The following CTNNA3 variants were observed in gnomAD, a reference collection of about 807,000 sequenced individuals.
The protein encoded by CTNNA3 is catenin alpha-3.
In CTNNA3, 76 loss-of-function variants were observed where a neutral mutation model predicts 95.7. The observed-to-expected ratio is 0.79, with a 90% CI of 0.66 to 0.96. CTNNA3 has a LOEUF of 0.96. CTNNA3 is among the 40% of genes least tolerant of loss of function. The pLI, the probability that CTNNA3 is intolerant of heterozygous loss-of-function variation, is 0.00. For missense variants in CTNNA3, 1,191 were observed against 1,089.8 expected, an observed-to-expected ratio of 1.09 and a Z score of -1.31; for synonymous variants, 431 against 374.4, an observed-to-expected ratio of 1.15 and a Z score of -1.74.
intron 13 of CTNNA3, among the ~76,000 whole-genome samples, chr10:66,135,201 A>T (rs1022474153): frequency 6.6e-6 from 1 of 152,188 alleles, no homozygotes; most frequent in Non-Finnish European, 1.5e-5. Flanking sequence ...CATAACACCG[A>T]GGTTTTGATG....
intron 5 of CTNNA3, among the ~76,000 whole-genome samples, chr10:67,417,921 AT>A (rs1029635223): frequency 1.3e-4 from 20 of 152,306 alleles, no homozygotes; most frequent in Admixed American, 3.9e-4. Context: ...TCATAGCAAC[AT>A]TTTTCATAAG....
chr10:66,246,918 T>G (rs1435731567), intron 13 of CTNNA3, among the ~76,000 whole-genome samples: 9 of 151,732 alleles, frequency 5.9e-5, no homozygotes, highest in Admixed American at 2.0e-4. Context: ...CCAGATGTAG[T>G]GGTGGGTGCC....
At chr10:66,367,607 T>C (rs556262054) in intron 12 of CTNNA3, among the ~76,000 whole-genome samples, 2 of 149,698 alleles carry the variant, frequency 1.3e-5, no homozygotes, top group African/African-American at 2.4e-5. Flanking sequence ...TCTGGTTTCT[T>C]AACAATGACA....
rs549112813 is a variant in CTNNA3, at chr10:66,195,832, T to C, written c.1884+84638A>G. Among the ~76,000 whole-genome samples the C allele has an allele frequency of 6.2e-4, 95 of 152,128 alleles. 1 individual carries two copies. The highest frequency in any genetic ancestry group is 6.8e-3 in the Middle Eastern group (2 of 294). ...ACATATATACAGAATGTTAACAGAT[T>C]CTGAAAAAGCAACATCCTGCTGGGT... On this transcript the variant is annotated intron_variant, in intron 13 of 17. Transcript: ENST00000433211.
chr10:67,220,916 C>G (rs1864622895), intron 5 of CTNNA3, among the ~76,000 whole-genome samples: 1 of 152,094 alleles, frequency 6.6e-6, no homozygotes, highest in South Asian at 2.1e-4. Context: ...TAATTCCAGT[C>G]TAATCATGAG....
intron 13 of CTNNA3, among the ~76,000 whole-genome samples, chr10:66,236,507 G>C (rs779439308): frequency 3.9e-5 from 6 of 152,114 alleles, no homozygotes; most frequent in Non-Finnish European, 5.9e-5. Context: ...TAGAGGGAAT[G>C]TCACCTGTCA....
intron 13 of CTNNA3, among the ~76,000 whole-genome samples, chr10:66,108,611 C>CT (rs1328027326): frequency 2.0e-5 from 3 of 151,196 alleles, no homozygotes; most frequent in Admixed American, 6.6e-5. Flanking sequence ...CATTTTTTTC[C>CT]TTTTTTTGGC....
At chr10:67,732,474 C>T (rs1016027662) in intron 1 of CTNNA3, among the ~76,000 whole-genome samples, 1 of 152,156 alleles carries the variant, frequency 6.6e-6, no homozygotes, top group African/African-American at 2.4e-5. Context: ...TAATTTCACC[C>T]AAGTTGAGAA....
At chr10:67,668,988 G>A (rs1040480962) in intron 1 of CTNNA3, among the ~76,000 whole-genome samples, 2 of 151,740 alleles carry the variant, frequency 1.3e-5, no homozygotes, top group Admixed American at 6.6e-5. Flanking sequence ...ACAGGCACTC[G>A]CCACCATGCC....
At chr10:66,684,564 A>T (rs1847180345) in intron 9 of CTNNA3, among the ~76,000 whole-genome samples, 1 of 152,120 alleles carries the variant, frequency 6.6e-6, no homozygotes, top group African/African-American at 2.4e-5. Flanking sequence ...CTTTTTCTTC[A>T]ATTAATTAAC....
At chr10:67,710,079 A>C (rs1371400364) in intron 1 of CTNNA3, among the ~76,000 whole-genome samples, 4 of 152,128 alleles carry the variant, frequency 2.6e-5, no homozygotes, top group Non-Finnish European at 4.4e-5. Context: ...CTGCATGTTT[A>C]CAAGGGCCCC....
intron 7 of CTNNA3, among the ~76,000 whole-genome samples, chr10:66,791,800 A>C (rs71496011): frequency 0.035 from 5,326 of 151,928 alleles, 237 homozygotes; most frequent in East Asian, 0.23. Context: ...CCTTACAATC[A>C]AGGTTTTCTC....
At chr10:65,930,322 C>A (rs1344692282) in intron 17 of CTNNA3, among the ~76,000 whole-genome samples, 1 of 151,956 alleles carries the variant, frequency 6.6e-6, no homozygotes, top group Non-Finnish European at 1.5e-5. Flanking sequence ...TAAAGCAACC[C>A]TCACTTCACC....
intron 9 of CTNNA3, among the ~76,000 whole-genome samples, chr10:66,725,257 G>A (rs10822903): frequency 0.36 from 54,781 of 151,908 alleles, 10,461 homozygotes; most frequent in Non-Finnish European, 0.42. Context: ...AGGGCCAACT[G>A]TAGGCTATTT....
chr10:67,286,995 C>A (rs950695563), intron 5 of CTNNA3, among the ~76,000 whole-genome samples: 5 of 152,110 alleles, frequency 3.3e-5, no homozygotes, highest in Admixed American at 6.6e-5. Context: ...CTGAAATCCC[C>A]CTAGAAGCAA....
chr10:66,577,004 A>G lies in CTNNA3; in HGVS notation c.1374+44688T>C, dbSNP rs1049761371. Reference sequence around the variant, plus strand: ...GCTTAAACAGCATCTGTTGTTTCTTAACTTTTTAATAATAGCTATTCTGAC... The same window carrying G: ...GCTTAAACAGCATCTGTTGTTTCTTGACTTTTTAATAATAGCTATTCTGAC... On this transcript the variant is annotated intron_variant, in intron 10 of 17. Coordinates refer to ENST00000433211, the MANE Select transcript of CTNNA3 (RefSeq NM_013266.4). 1.4e-4 allele frequency among the ~76,000 whole-genome samples: 21 copies of G among 148,310 alleles called. 1 individual carries two copies. The highest frequency in any genetic ancestry group is 5.1e-4 in the African/African-American group (21 of 40,830).
intron 11 of CTNNA3, among the ~76,000 whole-genome samples, chr10:66,453,366 C>T (rs1468238034): frequency 6.6e-6 from 1 of 152,172 alleles, no homozygotes; most frequent in African/African-American, 2.4e-5. Context: ...TTCTGGGCAG[C>T]AGACAAGATA....
chr10:66,860,234 C>T (rs1843862772), intron 7 of CTNNA3, among the ~76,000 whole-genome samples: 2 of 152,070 alleles, frequency 1.3e-5, no homozygotes, highest in Non-Finnish European at 2.9e-5. Context: ...TGACTTCTTA[C>T]AATTTGAATG....
At chr10:66,319,122 T>C (rs1220913016) in intron 12 of CTNNA3, among the ~76,000 whole-genome samples, 1 of 152,060 alleles carries the variant, frequency 6.6e-6, no homozygotes, top group African/African-American at 2.4e-5. Context: ...CTTCTGAGCC[T>C]TGGATATCAC....
Sources: gnomAD v4.1 joint callset for allele counts (sites outside exome capture counted in the v4.1 genomes callset) on GRCh38, gnomAD v4.1.1 for gene constraint, MANE v1.5 for transcripts, NCBI Gene and HGNC (gene_info 2026-07-23, HGNC 2026-07-21) for gene names.